The following ZNF385B variants were observed in gnomAD, a reference collection of about 807,000 sequenced individuals.
The protein encoded by ZNF385B is zinc finger protein 533.
A neutral mutation model predicts 39.2 loss-of-function variants in ZNF385B; 23 were observed. The ratio of observed to expected loss-of-function variants is 0.59; its 90% confidence interval spans 0.42 to 0.83. The LOEUF is 0.83. Ranked by LOEUF, ZNF385B falls within the 40% of genes least tolerant of loss-of-function variation. ZNF385B has a pLI of 0.00. For synonymous variants in ZNF385B, 205 were observed against 222.6 expected (o/e 0.92, Z 0.70); for missense variants, 552 against 598.9 (o/e 0.92, Z 0.82).
At chr2:179,779,010 G>C (rs1704511622) in intron 1 of ZNF385B, among the ~76,000 whole-genome samples, 1 of 152,086 alleles carries the variant, frequency 6.6e-6, no homozygotes, top group Admixed American at 6.6e-5. Context: ...ACTTGCCAAG[G>C]GTTGAAATAC....
At chr2:179,736,415 T>C (rs896208634) in intron 3 of ZNF385B, among the ~76,000 whole-genome samples, 2 of 152,178 alleles carry the variant, frequency 1.3e-5, no homozygotes, top group African/African-American at 4.8e-5. Flanking sequence ...CCTCAACTCA[T>C]TGGACCATTA....
intron 1 of ZNF385B, among the ~76,000 whole-genome samples, chr2:179,821,470 A>G (rs1209552295): frequency 6.6e-6 from 1 of 152,148 alleles, no homozygotes; most frequent in Admixed American, 6.6e-5. Flanking sequence ...CCGTTCTTTT[A>G]CATTTTATAC....
chr2:179,816,357 C>T (rs1051223700), intron 1 of ZNF385B, among the ~76,000 whole-genome samples: 13 of 152,118 alleles, frequency 8.5e-5, no homozygotes, highest in Non-Finnish European at 1.8e-4. Flanking sequence ...TGGTCCCCGC[C>T]GAAGGGACCT....
At chr2:179,502,952 C>A (rs1162074176) in intron 5 of ZNF385B, among the ~76,000 whole-genome samples, 1 of 152,194 alleles carries the variant, frequency 6.6e-6, no homozygotes, top group African/African-American at 2.4e-5. Context: ...TGGCTCACTG[C>A]AGGCTTGACC....
chr2:179,495,115 T>G (rs1315720448), intron 5 of ZNF385B, among the ~76,000 whole-genome samples: 1 of 152,122 alleles, frequency 6.6e-6, no homozygotes, highest in Non-Finnish European at 1.5e-5. Flanking sequence ...ACCTGCCTTG[T>G]GCCAGAAGGG....
intron 3 of ZNF385B, among the ~76,000 whole-genome samples, chr2:179,758,870 G>C (rs1042693503): frequency 4.6e-5 from 7 of 152,158 alleles, no homozygotes; most frequent in Admixed American, 3.3e-4. Context: ...GCTGAGCCCA[G>C]CCCACATTTC....
chr2:179,743,596 T>G (rs530125846), intron 3 of ZNF385B, among the ~76,000 whole-genome samples: 18 of 152,048 alleles, frequency 1.2e-4, no homozygotes, highest in Non-Finnish European at 2.4e-4. Flanking sequence ...ATTACCACAA[T>G]GCAAAGAATC....
chr2:179,773,237 A>C (rs1001154342), intron 1 of ZNF385B, among the ~76,000 whole-genome samples: 5 of 152,350 alleles, frequency 3.3e-5, no homozygotes, highest in Middle Eastern at 6.8e-3. Flanking sequence ...GTACAGCAAT[A>C]CATTCTTTGA....
At chr2:179,567,219 A>G (rs960303454) in intron 3 of ZNF385B, among the ~76,000 whole-genome samples, 2 of 152,124 alleles carry the variant, frequency 1.3e-5, no homozygotes, top group Non-Finnish European at 2.9e-5. Flanking sequence ...CCAGGCCCAT[A>G]ATCTTTTTTA....
At chr2:179,703,914 G>A (rs959302257) in intron 3 of ZNF385B, among the ~76,000 whole-genome samples, 4 of 152,172 alleles carry the variant, frequency 2.6e-5, no homozygotes, top group African/African-American at 7.2e-5. Flanking sequence ...AGGTGTGGAG[G>A]TGTATTGAGA....
At chr2:179,539,672 C>T (rs1458958566) in intron 4 of ZNF385B, among the ~76,000 whole-genome samples, 1 of 151,926 alleles carries the variant, frequency 6.6e-6, no homozygotes, top group Non-Finnish European at 1.5e-5. Context: ...TTTGGCAGCT[C>T]CCACAACATT....
chr2:179,797,280 C>G (rs1159428255), intron 1 of ZNF385B, among the ~76,000 whole-genome samples: 1 of 152,092 alleles, frequency 6.6e-6, no homozygotes, highest in Non-Finnish European at 1.5e-5. Flanking sequence ...ATACTCCCTG[C>G]CACGTCTCCT....
At chr2:179,855,918 G>A (rs944547450) in intron 1 of ZNF385B, among the ~76,000 whole-genome samples, 2 of 152,122 alleles carry the variant, frequency 1.3e-5, no homozygotes, top group African/African-American at 4.8e-5. Flanking sequence ...CCTGCCCCAA[G>A]CTCTCAAATC....
intron 1 of ZNF385B, among the ~76,000 whole-genome samples, chr2:179,852,538 C>T (rs1684263457): frequency 6.6e-6 from 1 of 152,158 alleles, no homozygotes; most frequent in Non-Finnish European, 1.5e-5. Flanking sequence ...CATGAGTGAG[C>T]TCACATAGAT....
chr2:179,838,541 C>A (rs1346870222), intron 1 of ZNF385B, among the ~76,000 whole-genome samples: 1 of 152,200 alleles, frequency 6.6e-6, no homozygotes, highest in Non-Finnish European at 1.5e-5. Flanking sequence ...ACAATACATA[C>A]AGCTCCTTCC....
intron 3 of ZNF385B, among the ~76,000 whole-genome samples, chr2:179,704,089 G>T (rs1168816582): frequency 6.6e-6 from 1 of 152,110 alleles, no homozygotes; most frequent in African/African-American, 2.4e-5. Flanking sequence ...ATTAGTATAA[G>T]AATGTTCATT....
intron 3 of ZNF385B, among the ~76,000 whole-genome samples, chr2:179,712,419 T>C (rs1041331097): frequency 4.6e-5 from 7 of 152,198 alleles, no homozygotes; most frequent in Admixed American, 3.3e-4. Flanking sequence ...CTGGAGTGAG[T>C]AGCACTATCC....
chr2:179,544,857 A>G lies in ZNF385B; in HGVS notation c.411T>C (p.Ser137=), dbSNP rs760939217. 2 of 1,614,064 alleles carry G rather than the reference A, an allele frequency of 1.2e-6. No individual in the cohort carries two copies. Among genetic ancestry groups the G allele is most frequent in the African/African-American group, 2.7e-5 (2 of 74,952 alleles). ...TAAAATTTGGAAAGAGCCCAACAGC[A>G]GAACTACTGTCCACTGGAAAAGACA... The part of the protein sequence containing the change: ...PFMSFPVDSS[S]AVGLFPNFNT... The change falls in exon 4 of 10, where the codon TCT becomes TCC. Residue 137 remains serine (S), a synonymous_variant. Transcript: ENST00000410066.
At chr2:179,629,583 C>T (rs190771882) in intron 3 of ZNF385B, among the ~76,000 whole-genome samples, 30 of 152,280 alleles carry the variant, frequency 2.0e-4, no homozygotes, top group African/African-American at 7.2e-4. Flanking sequence ...CTCCAGTCTG[C>T]AGCTCCCAGC....
Sources: gnomAD v4.1 joint callset for allele counts (sites outside exome capture counted in the v4.1 genomes callset) on GRCh38, gnomAD v4.1.1 for gene constraint, MANE v1.5 for transcripts, NCBI Gene and HGNC (gene_info 2026-07-23, HGNC 2026-07-21) for gene names.